Variants in ASAP1 observed in about 807,000 individuals in gnomAD.
The protein encoded by ASAP1 is ArfGAP with SH3 domain, ankyrin repeat and PH domain 1, also known as arf-GAP with SH3 domain, ANK repeat and PH domain-containing protein 1.
Under a neutral mutation model 145.2 loss-of-function variants are expected in ASAP1, and 43 were observed. The ratio of observed to expected loss-of-function variants is 0.30; its 90% confidence interval spans 0.23 to 0.38. The LOEUF is 0.38. Ranked by LOEUF, ASAP1 falls within the 10% of genes least tolerant of loss-of-function variation. ASAP1 has a pLI of 1.00. For synonymous variants in ASAP1, 546 were observed against 515.5 expected, an observed-to-expected ratio of 1.06 and a Z score of -0.80; for missense variants, 1,018 against 1,355.3, an observed-to-expected ratio of 0.75 and a Z score of 3.91.
chr8:130,336,594 G>T (rs1403134910), intron 3 of ASAP1, among the ~76,000 whole-genome samples: 1 of 152,194 alleles, frequency 6.6e-6, no homozygotes, highest in East Asian at 1.9e-4. Context: ...AAAGACTAAG[G>T]CAGGATGAAT....
chr8:130,239,810 T>C (rs1296001017), intron 3 of ASAP1, among the ~76,000 whole-genome samples: 1 of 152,140 alleles, frequency 6.6e-6, no homozygotes, highest in Non-Finnish European at 1.5e-5. Context: ...ATGAAAAACC[T>C]TGGGCCTTAG....
chr8:130,181,467 T>A (rs549129051), intron 7 of ASAP1, among the ~76,000 whole-genome samples: 20 of 152,306 alleles, frequency 1.3e-4, no homozygotes, highest in African/African-American at 4.6e-4. Flanking sequence ...CTTCAATTAT[T>A]TCAAATAATT....
intron 3 of ASAP1, among the ~76,000 whole-genome samples, chr8:130,336,957 G>C (rs1337184227): frequency 3.3e-5 from 5 of 152,162 alleles, no homozygotes; most frequent in Non-Finnish European, 7.4e-5. Flanking sequence ...CTTGACCTTA[G>C]TATAAAAATA....
chr8:130,203,758 T>G (rs1445244328), intron 5 of ASAP1, among the ~76,000 whole-genome samples: 1 of 152,148 alleles, frequency 6.6e-6, no homozygotes, highest in African/African-American at 2.4e-5. Flanking sequence ...GAAAAAGACT[T>G]GCATTTGCTG....
At position 130,052,425 on chromosome 8, in the gene ASAP1, A is replaced by G. The variant is rs1383456352; in HGVS notation, c.*2306T>C. On this transcript the variant is annotated 3_prime_UTR_variant, in exon 30 of 30. Transcript: ENST00000518721. ...AGAACTAATTTGCTATTTTTTTTTC[A>G]TAAGGTTCCATATCTTCAAAATACT... 1.3e-5 allele frequency: 2 copies of G among 152,490 alleles called. No individual in the cohort carries two copies. Among genetic ancestry groups the G allele is most frequent in the African/African-American group, 2.4e-5 (1 of 41,448 alleles). 9.4% of individuals were successfully genotyped at this position (152,490 alleles called of 1,614,324 possible). A position where few individuals can be genotyped will look rare whatever the true frequency, so the allele number is the denominator to read the frequency against.
intron 2 of ASAP1, among the ~76,000 whole-genome samples, chr8:130,363,563 A>G (rs1386155674): frequency 6.6e-6 from 1 of 152,204 alleles, no homozygotes; most frequent in East Asian, 1.9e-4. Context: ...GGTATAGAAT[A>G]TGACTTTCTC....
chr8:130,096,378 C>T (rs1415758560), intron 24 of ASAP1, among the ~76,000 whole-genome samples: 1 of 151,910 alleles, frequency 6.6e-6, no homozygotes, highest in African/African-American at 2.4e-5. Context: ...AAACGCAACA[C>T]AAAAAAGGGT....
intron 25 of ASAP1, 134 bp downstream of exon 25, chr8:130,091,839 T>C (rs2097506102): frequency 4.2e-6 from 4 of 950,706 alleles, no homozygotes; most frequent in Non-Finnish European, 3.0e-6. Flanking sequence ...TCATGTCATA[T>C]ATACCCGAGT....
intron 9 of ASAP1, among the ~76,000 whole-genome samples, chr8:130,173,170 G>T (rs1368152955): frequency 1.3e-5 from 2 of 152,230 alleles, no homozygotes; most frequent in Non-Finnish European, 2.9e-5. Flanking sequence ...ATTTCAGGGA[G>T]GGCCAAGTTC....
chr8:130,121,985 C>T (rs565322580), intron 18 of ASAP1, among the ~76,000 whole-genome samples: 2 of 152,102 alleles, frequency 1.3e-5, no homozygotes, highest in Non-Finnish European at 2.9e-5. Flanking sequence ...TCTCCCGCCA[C>T]ATCTTCCTTC....
At chr8:130,091,574 A>C (rs2097505507) in intron 25 of ASAP1, among the ~76,000 whole-genome samples, 1 of 152,220 alleles carries the variant, frequency 6.6e-6, no homozygotes, top group African/African-American at 2.4e-5. Context: ...GGAAATCTCA[A>C]AAGGGTGTTA....
intron 3 of ASAP1, among the ~76,000 whole-genome samples, chr8:130,250,667 G>C (rs1459712092): frequency 6.6e-6 from 1 of 151,954 alleles, no homozygotes; most frequent in Non-Finnish European, 1.5e-5. Flanking sequence ...GACCTAATTT[G>C]GCAGAGGAGA....
At chr8:130,356,572 C>T (rs896779286) in intron 3 of ASAP1, among the ~76,000 whole-genome samples, 3 of 152,098 alleles carry the variant, frequency 2.0e-5, no homozygotes, top group Admixed American at 2.0e-4. Context: ...AATCCATTTA[C>T]CTCTGGTTTT....
At chr8:130,128,787 AACCACAAAGTAGAACAGT>A (rs1257459600) in intron 15 of ASAP1, among the ~76,000 whole-genome samples, 1 of 152,234 alleles carries the variant, frequency 6.6e-6, no homozygotes, top group Non-Finnish European at 1.5e-5. Flanking sequence ...GGCCTGAAAT[AACCACAAAGTAGAACAGT>A]TAAGCAGGCA....
intron 2 of ASAP1, chr8:130,360,873 C>T (rs1826679114): frequency 6.6e-6 from 1 of 152,244 alleles, no homozygotes; most frequent in South Asian, 2.1e-4. Context: ...ATCCTACCAT[C>T]CTTCCCCACA....
intron 3 of ASAP1, among the ~76,000 whole-genome samples, chr8:130,352,585 G>A (rs1826064880): frequency 6.6e-6 from 1 of 152,210 alleles, no homozygotes; most frequent in Admixed American, 6.5e-5. Context: ...GGACTTGACA[G>A]TAATGCGATT....
chr8:130,134,351 T>TA lies in ASAP1; in HGVS notation c.1169-8dup, dbSNP rs199770520. ...AAGTGATATGTTCTATTATCTAAAA[T>TA]AAAAAAAAAGAAAAATAAGTGAAAC... On this transcript the variant is annotated splice_region_variant and splice_polypyrimidine_tract_variant and intron_variant, in intron 14 of 29. Coordinates refer to ENST00000518721, the MANE Select transcript of ASAP1 (RefSeq NM_018482.4). The TA allele has an allele frequency of 4.8e-3, 7,311 of 1,522,700 alleles. 219 individuals are homozygous for TA. In the African/African-American group the frequency reaches 0.08, roughly 17 times the overall value. The allele number at this position is 1,522,700 out of a possible 1,614,324, so 94.3% of individuals were successfully genotyped here. A position where few individuals can be genotyped will look rare whatever the true frequency, so the allele number is the denominator to read the frequency against.
At chr8:130,432,162 G>A (rs1393628164) in intron 1 of ASAP1, among the ~76,000 whole-genome samples, 1 of 134,696 alleles carries the variant, frequency 7.4e-6, no homozygotes, top group East Asian at 2.5e-4. Context: ...AGGAGGAGGG[G>A]AGGAGGGGAA....
chr8:130,280,473 C>T (rs995052999), intron 3 of ASAP1, among the ~76,000 whole-genome samples: 1 of 152,270 alleles, frequency 6.6e-6, no homozygotes, highest in Admixed American at 6.5e-5. Context: ...CCTTGACACA[C>T]AGTCTGCCAC....
Sources: gnomAD v4.1 joint callset for allele counts (sites outside exome capture counted in the v4.1 genomes callset) on GRCh38, gnomAD v4.1.1 for gene constraint, MANE v1.5 for transcripts, NCBI Gene and HGNC (gene_info 2026-07-23, HGNC 2026-07-21) for gene names.